Variants in DNAAF2 observed in about 807,000 individuals in gnomAD.
The protein encoded by DNAAF2 is protein kintoun.
In DNAAF2, 58 loss-of-function variants were observed where a neutral mutation model predicts 48.8. The ratio of observed to expected loss-of-function variants is 1.19; its 90% CI spans 0.96 to 1.48. The LOEUF (loss-of-function observed/expected upper bound fraction) is 1.48. Ranked by LOEUF, DNAAF2 falls within the 40% of genes most tolerant of loss-of-function variation. The pLI is 0.00. For missense variants in DNAAF2, 1,241 were observed against 1,116.1 expected, an observed-to-expected ratio of 1.11 and a Z score of -1.59; for synonymous variants, 567 against 481.2, an observed-to-expected ratio of 1.18 and a Z score of -2.33.
chr14:49,630,715 C>CACACACACACACACACAAACTCTCT (rs1361991433), intron 1 of DNAAF2, among the ~76,000 whole-genome samples: 44 of 51,740 alleles, frequency 8.5e-4, no homozygotes, highest in Non-Finnish European at 2.8e-3. Flanking sequence ...ACTCTCTACA[C>CACACACACACACACACAAACTCTCT]ACACACACAC....
Position 49,634,046 on chromosome 14 carries a change from C to A in DNAAF2, c.1104G>T (p.Glu368Asp). 6.6e-7 allele frequency: 1 copy of A among 1,519,930 alleles called. No homozygotes were observed. Among genetic ancestry groups the A allele is most frequent in the South Asian group, 1.2e-5 (1 of 80,356 alleles). 94.2% of individuals were successfully genotyped at this position (1,519,930 alleles called of 1,614,324 possible). ...AVAVAAAAPEESADRSGTDGQ... is the reference protein window; with the variant it reads ...AVAVAAAAPEDSADRSGTDGQ... ...CGTCAGTTCCGGACCGGTCCGCGGA[C>A]TCTTCCGGCGCGGCGGCGGCGACGG... is the stretch of plus-strand genomic sequence containing the variant. The change falls in exon 1 of 3, where the codon GAG becomes GAT. Residue 368 changes from glutamate to aspartate, a missense_variant. Glu to Asp is a conservative substitution (Grantham distance 45). Coordinates refer to ENST00000298292, the MANE Select transcript of DNAAF2 (RefSeq NM_018139.3).
Position 49,635,173 on chromosome 14 carries a change from C to T in DNAAF2, c.-24G>A, listed in dbSNP as rs1161078617. 3 of 1,550,378 alleles carry T rather than the reference C, an allele frequency of 1.9e-6. No homozygotes were observed. The Admixed American group carries it at 5.9e-5, about 30-fold the overall frequency. On this transcript the variant is annotated 5_prime_UTR_variant, in exon 1 of 3. Transcript: ENST00000298292. Reference sequence around the variant, plus strand: ...ATACTGTCCTGTGGCTCCTCGCCCTCGGGCCAAAGGCGATCAGTCTGACAC... The same window carrying T: ...ATACTGTCCTGTGGCTCCTCGCCCTTGGGCCAAAGGCGATCAGTCTGACAC...
In DNAAF2 at chr14:49,635,215, C is replaced by T; in HGVS notation, c.-66G>A. The T allele has an allele frequency of 2.7e-6, 4 of 1,502,228 alleles. No homozygotes were observed. Among genetic ancestry groups the T allele is most frequent in the Non-Finnish European group, 3.6e-6 (4 of 1,106,406 alleles). The allele number at this position is 1,502,228 out of a possible 1,614,324, so 93.1% of individuals were successfully genotyped here. ...GTCTGACACTGGGTTGGGGGATCCG[C>T]CTCAGAGTTTCTGGGCAGCGTACAG... On this transcript the variant is annotated 5_prime_UTR_variant, in exon 1 of 3. Transcript: ENST00000298292.
intron 1 of DNAAF2, among the ~76,000 whole-genome samples, chr14:49,631,517 C>G (rs1316472443): frequency 6.6e-6 from 1 of 151,952 alleles, no homozygotes. Flanking sequence ...CCCAGCTACT[C>G]GGGAGGCTGA....
rs745851179 is a variant in DNAAF2 at position 49,633,246 on chromosome 14, T to C, written c.1863+41A>G. On this transcript the variant is annotated intron_variant, in intron 1 of 2. Coordinates refer to ENST00000298292, the MANE Select transcript of DNAAF2 (RefSeq NM_018139.3). ...GTAATAGCAAATTTTTAAAGTGAGA[T>C]GGGATATTTCAAATATGAGGACTCT... is the stretch of plus-strand genomic sequence containing the variant. The C allele has an allele frequency of 4.4e-6, 7 of 1,598,330 alleles. No individual in the cohort carries two copies. In the Admixed American group the frequency reaches 1.2e-4, roughly 27 times the overall value.
rs950478553 is a variant in DNAAF2 at position 49,633,624 on chromosome 14, G to A, written c.1526C>T (p.Ala509Val). 3 of 1,613,466 alleles carry A rather than the reference G, an allele frequency of 1.9e-6. No individual in the cohort carries two copies. Among genetic ancestry groups the A allele is most frequent in the Non-Finnish European group, 2.5e-6 (3 of 1,179,768 alleles). ...GCTCTTGGTCCCGGGACCACCCATG[G>A]CGCAGGCTGAGCGCTGGCCGCCCGT... Reference protein sequence around the residue: ...EGTGGQRSACAMGGPGTKSGE... With the variant: ...EGTGGQRSACVMGGPGTKSGE... Residue 509 changes from alanine to valine, a missense_variant, in exon 1 of 3, where the codon GCC (alanine) becomes GTC (valine). Coordinates refer to ENST00000298292, the MANE Select transcript of DNAAF2 (RefSeq NM_018139.3).
rs778249969 is a variant in DNAAF2 at position 49,625,740 on chromosome 14, C to G, written c.2316G>C (p.Glu772Asp). ...TTTCTTTCTCTTCAGTTATTACTGACTCGTTTAAGTTATCTTTTTCCTCAT... is the reference window on the plus strand; with the variant it reads ...TTTCTTTCTCTTCAGTTATTACTGAGTCGTTTAAGTTATCTTTTTCCTCAT... ...CSNEEKDNLN[E>D]SVITEEKETD... The change falls in exon 3 of 3, where the codon GAG (glutamate) becomes GAC (aspartate). Residue 772 changes from glutamate (E) to aspartate (D), a missense_variant. Coordinates refer to ENST00000298292, the MANE Select transcript of DNAAF2 (RefSeq NM_018139.3). The G allele has an allele frequency of 1.2e-5, 19 of 1,613,252 alleles. No homozygotes were observed. The highest frequency in any genetic ancestry group is 1.7e-4 in the Middle Eastern group (1 of 6,052).
chr14:49,632,659 T>C (rs987797636), intron 1 of DNAAF2, among the ~76,000 whole-genome samples: 1 of 149,574 alleles, frequency 6.7e-6, no homozygotes, highest in African/African-American at 2.5e-5. Context: ...TTGGTCAGGC[T>C]GGTCTCAAAG....
intron 2 of DNAAF2, among the ~76,000 whole-genome samples, chr14:49,627,769 C>A (rs960954412): frequency 6.6e-6 from 1 of 151,528 alleles, no homozygotes; most frequent in African/African-American, 2.4e-5. Context: ...GCAGGAGAAT[C>A]GCTTGAACCC....
Position 49,625,334 on chromosome 14 carries a change from A to C in DNAAF2, c.*208T>G, listed in dbSNP as rs1882971745. 8.7e-6 allele frequency: 3 copies of C among 343,312 alleles called. No homozygotes were observed. The highest frequency in any genetic ancestry group is 1.6e-5 in the Non-Finnish European group (3 of 192,290). The allele number at this position is 343,312 out of a possible 1,614,324, so 21.3% of individuals were successfully genotyped here. ...TACAGGAATCACAAAACTTATCTCC[A>C]TAAGGAAACTTTAAACTCCAGAGGC... On this transcript the variant is annotated 3_prime_UTR_variant, in exon 3 of 3. Transcript: ENST00000298292.
At position 49,634,351 on chromosome 14, in the gene DNAAF2, C is replaced by A. The variant is rs1295719681; in HGVS notation, c.799G>T (p.Asp267Tyr). Reference protein sequence around the residue: ...VVQRHHVDLQDYRCSRDSAPS... With the variant: ...VVQRHHVDLQYYRCSRDSAPS... Reference sequence around the variant, plus strand: ...GCTGAGTCCCTGGAGCAGCGGTAATCCTGGAGGTCCACGTGGTGGCGCTGC... The same window carrying A: ...GCTGAGTCCCTGGAGCAGCGGTAATACTGGAGGTCCACGTGGTGGCGCTGC... The change falls in exon 1 of 3, where the codon GAT becomes TAT. Residue 267 changes from aspartate (D) to tyrosine (Y), a missense_variant. Coordinates refer to ENST00000298292, the MANE Select transcript of DNAAF2 (RefSeq NM_018139.3). 4 of 1,609,602 alleles carry A rather than the reference C, an allele frequency of 2.5e-6. No individual in the cohort carries two copies. The highest frequency in any genetic ancestry group is 1.7e-4 in the Middle Eastern group (1 of 6,050).
In DNAAF2 at chr14:49,633,315, T is replaced by C; in HGVS notation, c.1835A>G (p.Tyr612Cys). 5 of 1,613,974 alleles carry C rather than the reference T, an allele frequency of 3.1e-6. No individual in the cohort carries two copies. The highest frequency in any genetic ancestry group is 4.2e-6 in the Non-Finnish European group (5 of 1,179,840). ...PESHGHWREW[Y>C]YGVNNDSLEE... ...CAAAGAATCGTTGTTTACACCATAA[T>C]ACCACTCTCTCCAATGTCCATGGCT... The change falls in exon 1 of 3, where the codon TAT becomes TGT. Residue 612 changes from tyrosine (Y) to cysteine (C), a missense_variant. Physicochemically the swap from Tyr to Cys is radical, Grantham distance 194. Transcript: ENST00000298292.
At position 49,633,618 on chromosome 14, in the gene DNAAF2, C is replaced by G. The variant is rs768840713; in HGVS notation, c.1532G>C (p.Gly511Ala). The G allele has an allele frequency of 6.2e-7, 1 of 1,613,718 alleles. No homozygotes were observed. Residue 511 changes from glycine to alanine, a missense_variant, in exon 1 of 3, where the codon GGT (glycine) becomes GCT (alanine). By Grantham distance (60) the Gly-to-Ala change is moderately conservative. Coordinates refer to ENST00000298292, the MANE Select transcript of DNAAF2 (RefSeq NM_018139.3). ...TGGQRSACAMGGPGTKSGEPL... is the reference protein window; with the variant it reads ...TGGQRSACAMAGPGTKSGEPL... ...CTCCCCGCTCTTGGTCCCGGGACCACCCATGGCGCAGGCTGAGCGCTGGCC... is the reference window on the plus strand; with the variant it reads ...CTCCCCGCTCTTGGTCCCGGGACCAGCCATGGCGCAGGCTGAGCGCTGGCC...
rs748369356 is a variant in DNAAF2 at position 49,634,255 on chromosome 14, C to T, written c.895G>A (p.Ala299Thr). The T allele has an allele frequency of 2.5e-6, 4 of 1,612,384 alleles. No homozygotes were observed. The highest frequency in any genetic ancestry group is 2.2e-5 in the East Asian group (1 of 44,868). Reference sequence around the variant, plus strand: ...AGCAGCTTTCTCGTTACCTCCAGCGCCGCCTGCTCGGCCGAGCGCAACAGC... The same window carrying T: ...AGCAGCTTTCTCGTTACCTCCAGCGTCGCCTGCTCGGCCGAGCGCAACAGC... Reference protein sequence around the residue: ...LPLLRSAEQAALEVTRKLLCL... With the variant: ...LPLLRSAEQATLEVTRKLLCL... The change falls in exon 1 of 3, where the codon GCG becomes ACG. Residue 299 changes from alanine (A) to threonine (T), a missense_variant. Ala to Thr is a moderately conservative substitution (Grantham distance 58, BLOSUM62 0). Coordinates refer to ENST00000298292, the MANE Select transcript of DNAAF2 (RefSeq NM_018139.3).
rs566190340 is a variant in DNAAF2, at chr14:49,634,474, A to G, written c.676T>C (p.Tyr226His). The change falls in exon 1 of 3, where the codon TAC becomes CAC. Residue 226 changes from tyrosine (Y) to histidine (H), a missense_variant. Tyr to His is a moderately conservative substitution (Grantham distance 83). Coordinates refer to ENST00000298292, the MANE Select transcript of DNAAF2 (RefSeq NM_018139.3). ...GGGGCTGCCGGGTACTGGTAAGGGTAGGGGAAGTCCGGGAGAGGACCCTTC... is the reference window on the plus strand; with the variant it reads ...GGGGCTGCCGGGTACTGGTAAGGGTGGGGGAAGTCCGGGAGAGGACCCTTC... ...EPKGPLPDFP[Y>H]PYQYPAAPGP... is the part of the protein sequence containing the mutation. The G allele has an allele frequency of 2.0e-4, 318 of 1,580,158 alleles. 4 individuals are homozygous for G. The South Asian group carries it at 2.9e-3, about 14-fold the overall frequency.
chr14:49,627,551 TAC>T (rs1287263809), intron 2 of DNAAF2, among the ~76,000 whole-genome samples: 2 of 152,166 alleles, frequency 1.3e-5, no homozygotes, highest in African/African-American at 4.8e-5. Flanking sequence ...ACATAATACA[TAC>T]ACAGACAAAA....
At position 49,634,325 on chromosome 14, in the gene DNAAF2, G is replaced by T. The variant is rs769842038; in HGVS notation, c.825C>A (p.Ala275=). The change falls in exon 1 of 3, where the codon GCC becomes GCA. Residue 275 remains alanine (A), a synonymous_variant. Transcript: ENST00000298292. ...LQDYRCSRDS[A]PSPVPHELVI... ...CCAGCTCATGGGGCACGGGGCTCGG[G>T]GCTGAGTCCCTGGAGCAGCGGTAAT... is the stretch of plus-strand genomic sequence containing the variant. The T allele has an allele frequency of 2.5e-6, 4 of 1,611,652 alleles. No individual in the cohort carries two copies. The highest frequency in any genetic ancestry group is 2.5e-6 in the Non-Finnish European group (3 of 1,179,656).
Position 49,628,114 on chromosome 14 carries a change from A to G in DNAAF2, c.1905T>C (p.Leu635=). Residue 635 remains leucine (L), a synonymous_variant, in exon 2 of 3, where the codon CTT becomes CTC. Coordinates refer to ENST00000298292, the MANE Select transcript of DNAAF2 (RefSeq NM_018139.3). Reference sequence around the variant, plus strand: ...TGAATGGAGAGCTCAGGACCTCTTCAAGAAACTCATTAACATTTTCTTCAT... The same window carrying G: ...TGAATGGAGAGCTCAGGACCTCTTCGAGAAACTCATTAACATTTTCTTCAT... The part of the protein sequence containing the change: ...FVNEENVNEF[L]EEVLSSPFKQ... 6.3e-7 allele frequency: 1 copy of G among 1,592,718 alleles called. No individual in the cohort carries two copies.
Position 49,634,070 on chromosome 14 carries a change from G to GGCGACA in DNAAF2, c.1074_1079dup (p.Val361_Ala362dup), listed in dbSNP as rs995979959. On this transcript the variant is annotated inframe_insertion, in exon 1 of 3. Transcript: ENST00000298292. ...ACTCTTCCGGCGCGGCGGCGGCGACGGCGACAGCGGGCTCCCGGCGCGCGG... is the reference window on the plus strand; with the variant it reads ...ACTCTTCCGGCGCGGCGGCGGCGACGGCGACAGCGACAGCGGGCTCCCGGCGCGCGG... 5.2e-6 allele frequency: 8 copies of GGCGACA among 1,530,470 alleles called. No individual in the cohort carries two copies. In the African/African-American group the frequency reaches 5.5e-5, roughly 11 times the overall value. 94.8% of individuals were successfully genotyped at this position (1,530,470 alleles called of 1,614,324 possible). A position where few individuals can be genotyped will look rare whatever the true frequency, so the allele number is the denominator to read the frequency against.
Sources: gnomAD v4.1 joint callset for allele counts (sites outside exome capture counted in the v4.1 genomes callset) on GRCh38, gnomAD v4.1.1 for gene constraint, MANE v1.5 for transcripts, NCBI Gene and HGNC (gene_info 2026-07-23, HGNC 2026-07-21) for gene names.